RGS7: variants seen among roughly 807,000 people sequenced by gnomAD.
RGS7 encodes the protein regulator of G protein signaling 7, also known as regulator of G-protein signaling 7.
RGS7 carries 27 observed loss-of-function variants against 81.1 expected under a neutral mutation model. The observed-to-expected ratio is 0.33, with a 90% CI of 0.25 to 0.46. The LOEUF (loss-of-function observed/expected upper bound fraction) is 0.46, where lower values mean the gene tolerates loss of function less well. Among genes scored for constraint, RGS7 ranks in the 20% least tolerant of loss-of-function variants. The pLI is 1.00. For missense variants in RGS7, 396 were observed against 607.4 expected, an observed-to-expected ratio of 0.65 and a Z score of 3.66; for synonymous variants, 208 against 207.7, an observed-to-expected ratio of 1.00 and a Z score of -0.01.
chr1:241,296,863 T>G (rs969593165), intron 2 of RGS7, among the ~76,000 whole-genome samples: 29 of 152,190 alleles, frequency 1.9e-4, no homozygotes, highest in African/African-American at 6.8e-4. Context: ...GAGACACAAA[T>G]TCATTCCTAG....
At chr1:241,099,420 A>C (rs917157421) in intron 2 of RGS7, among the ~76,000 whole-genome samples, 8 of 152,166 alleles carry the variant, frequency 5.3e-5, no homozygotes, top group African/African-American at 1.7e-4. Context: ...ATACACGTGC[A>C]TGTACACACA....
intron 4 of RGS7, among the ~76,000 whole-genome samples, chr1:240,973,424 C>T (rs1434059619): frequency 2.6e-5 from 4 of 151,234 alleles, no homozygotes; most frequent in Non-Finnish European, 5.9e-5. Context: ...GCAGGAGAAT[C>T]ACTTGAACCC....
At chr1:241,162,222 G>GCCCCCCCCGCCC (rs68166816) in intron 2 of RGS7, among the ~76,000 whole-genome samples, 1 of 142,028 alleles carries the variant, frequency 7.0e-6, no homozygotes, top group Non-Finnish European at 1.6e-5. Flanking sequence ...CTGGTGATCA[G>GCCCCCCCCGCCC]CTTCCAAATA....
At chr1:241,292,424 G>GA (rs1409312896) in intron 2 of RGS7, among the ~76,000 whole-genome samples, 1 of 152,172 alleles carries the variant, frequency 6.6e-6, no homozygotes, top group Admixed American at 6.5e-5. Flanking sequence ...CTACTCCCGG[G>GA]AAAGGGACAC....
chr1:241,293,100 G>A (rs568898447), intron 2 of RGS7, among the ~76,000 whole-genome samples: 5 of 152,292 alleles, frequency 3.3e-5, no homozygotes, highest in Admixed American at 6.5e-5. Context: ...TCAGTCAACG[G>A]TGGACTGCAG....
At chr1:241,124,676 C>A (rs770833788) in intron 2 of RGS7, among the ~76,000 whole-genome samples, 4 of 152,168 alleles carry the variant, frequency 2.6e-5, no homozygotes, top group Non-Finnish European at 5.9e-5. Flanking sequence ...TCTGCTGGGA[C>A]CTGAATCGTG....
chr1:241,002,852 C>T (rs1047318008), intron 3 of RGS7, among the ~76,000 whole-genome samples: 15 of 152,158 alleles, frequency 9.9e-5, no homozygotes, highest in Admixed American at 8.5e-4. Flanking sequence ...CTCATTCATA[C>T]TTCAATAAAT....
chr1:241,105,400 T>G (rs781202375), intron 2 of RGS7, among the ~76,000 whole-genome samples: 2 of 152,198 alleles, frequency 1.3e-5, no homozygotes, highest in Non-Finnish European at 2.9e-5. Flanking sequence ...TGGAATAGTT[T>G]AGATGTCACT....
intron 2 of RGS7, among the ~76,000 whole-genome samples, chr1:241,193,514 C>A (rs2072843643): frequency 6.6e-6 from 1 of 152,180 alleles, no homozygotes; most frequent in Non-Finnish European, 1.5e-5. Context: ...TTCATCCTGC[C>A]TGAATTTATA....
At chr1:240,959,703 T>C (rs573971350) in intron 4 of RGS7, among the ~76,000 whole-genome samples, 33 of 152,222 alleles carry the variant, frequency 2.2e-4, no homozygotes, top group Non-Finnish European at 3.7e-4. Flanking sequence ...CACCATAACA[T>C]CTTGATAATT....
At chr1:241,329,244 C>T (rs1277696899) in intron 2 of RGS7, among the ~76,000 whole-genome samples, 1 of 152,090 alleles carries the variant, frequency 6.6e-6, no homozygotes, top group Non-Finnish European at 1.5e-5. Context: ...TGAGTTACAA[C>T]CAATAAGTAT....
chr1:241,295,050 G>A (rs1341309612), intron 2 of RGS7, among the ~76,000 whole-genome samples: 1 of 152,222 alleles, frequency 6.6e-6, no homozygotes, highest in African/African-American at 2.4e-5. Context: ...TGAGTGATGT[G>A]ATTATGTAAG....
chr1:240,955,604 T>C (rs1680278974), intron 4 of RGS7, among the ~76,000 whole-genome samples: 1 of 149,934 alleles, frequency 6.7e-6, no homozygotes, highest in South Asian at 2.1e-4. Flanking sequence ...ATATCCACAC[T>C]GATTTCAAAA....
At chr1:240,867,588 CTAAGT>C (rs1236214055) in intron 9 of RGS7, among the ~76,000 whole-genome samples, 4 of 152,148 alleles carry the variant, frequency 2.6e-5, no homozygotes, top group Non-Finnish European at 5.9e-5. Flanking sequence ...AGAAAGCCAG[CTAAGT>C]TATTAGAGAT....
chr1:241,198,774 A>G (rs1049705404), intron 2 of RGS7, among the ~76,000 whole-genome samples: 11 of 152,210 alleles, frequency 7.2e-5, no homozygotes, highest in African/African-American at 2.2e-4. Context: ...CAAAATACCA[A>G]TCTTACGTTA....
intron 6 of RGS7, among the ~76,000 whole-genome samples, chr1:240,897,685 C>T (rs12747557): frequency 1.3e-4 from 20 of 151,868 alleles, no homozygotes; most frequent in Admixed American, 1.2e-3. Context: ...TCGGTTTGCC[C>T]GTATTTTATT....
At chr1:240,844,478 GAAA>G (rs1658697352) in intron 9 of RGS7, among the ~76,000 whole-genome samples, 1 of 152,146 alleles carries the variant, frequency 6.6e-6, no homozygotes, top group South Asian at 2.1e-4. Flanking sequence ...TCATGATTTT[GAAA>G]AGTCGCCAAT....
At chr1:240,779,276 C>T (rs992571325) in intron 18 of RGS7, among the ~76,000 whole-genome samples, 1 of 152,022 alleles carries the variant, frequency 6.6e-6, no homozygotes, top group Non-Finnish European at 1.5e-5. Flanking sequence ...CCTACCTCAG[C>T]CTCCTGAGTA....
At chr1:241,259,951 T>C (rs1218312581) in intron 2 of RGS7, among the ~76,000 whole-genome samples, 8 of 152,130 alleles carry the variant, frequency 5.3e-5, no homozygotes, top group African/African-American at 1.9e-4. Context: ...ATTAAAATGT[T>C]GGTTTTTATC....
Sources: gnomAD v4.1 joint callset for allele counts (sites outside exome capture counted in the v4.1 genomes callset) on GRCh38, gnomAD v4.1.1 for gene constraint, MANE v1.5 for transcripts, NCBI Gene and HGNC (gene_info 2026-07-23, HGNC 2026-07-21) for gene names.